Variants in KCTD1 observed in about 807,000 individuals in gnomAD.
KCTD1 encodes BTB/POZ domain-containing protein KCTD1.
Under a neutral mutation model 66.0 loss-of-function variants are expected in KCTD1, and 24 were observed. That is an observed-to-expected ratio of 0.36 (90% CI 0.26 to 0.51). KCTD1 has a LOEUF of 0.51. Ranked by LOEUF, KCTD1 falls within the 20% of genes least tolerant of loss-of-function variation. KCTD1 has a pLI of 0.95. For synonymous variants in KCTD1, 511 were observed against 517.2 expected (o/e 0.99, Z 0.16); for missense variants, 943 against 1,205.2 (o/e 0.78, Z 3.22).
chr18:26,462,618 C>A (rs1980494353), intron 3 of KCTD1, among the ~76,000 whole-genome samples: 1 of 152,216 alleles, frequency 6.6e-6, no homozygotes. Flanking sequence ...CGGTGAAGTG[C>A]ACATTGGCCA....
intron 2 of KCTD1, among the ~76,000 whole-genome samples, chr18:26,479,859 C>T (rs911483554): frequency 2.0e-5 from 3 of 152,184 alleles, no homozygotes; most frequent in Non-Finnish European, 4.4e-5. Context: ...GGAAAATCGG[C>T]ACAGGCTGTA....
chr18:26,588,881 A>G (rs559267468), intron 1 of KCTD1, among the ~76,000 whole-genome samples: 1 of 109,638 alleles, frequency 9.1e-6, no homozygotes, highest in Non-Finnish European at 2.0e-5. Context: ...GCCCTAATAT[A>G]TACAGTATAG....
intron 1 of KCTD1, among the ~76,000 whole-genome samples, chr18:26,594,449 TTAAG>T (rs1278536432): frequency 6.6e-6 from 1 of 152,206 alleles, no homozygotes. Context: ...ATTTAACAAA[TTAAG>T]TCTTTTAAAG....
intron 1 of KCTD1, among the ~76,000 whole-genome samples, chr18:26,563,271 T>C (rs1985904024): frequency 6.6e-6 from 1 of 152,216 alleles, no homozygotes; most frequent in Admixed American, 6.5e-5. Flanking sequence ...CTCTGATCCC[T>C]GGTCCTTTGT....
chr18:26,610,810 A>G (rs1325023297), intron 1 of KCTD1, among the ~76,000 whole-genome samples: 1 of 152,246 alleles, frequency 6.6e-6, no homozygotes. Context: ...GGACTCTGAC[A>G]AGATATCACT....
At chr18:26,554,888 G>T (rs906809840) in intron 1 of KCTD1, among the ~76,000 whole-genome samples, 3 of 152,112 alleles carry the variant, frequency 2.0e-5, no homozygotes, top group Admixed American at 6.5e-5. Context: ...AACTTCACTT[G>T]GTTAATAAAG....
At chr18:26,456,095 A>C in intron 4 of KCTD1, 194 bp from the exon 5 acceptor site, 1 of 559,064 alleles carries the variant, frequency 1.8e-6, no homozygotes, top group Non-Finnish European at 3.1e-6. Context: ...TAATGCCTAA[A>C]ATGTGCCTTT....
At chr18:26,499,009 G>A (rs1006142187) in intron 2 of KCTD1, among the ~76,000 whole-genome samples, 5 of 152,190 alleles carry the variant, frequency 3.3e-5, no homozygotes, top group African/African-American at 1.2e-4. Flanking sequence ...ATCCTGGCGG[G>A]AATGAGTCAG....
At chr18:26,649,666 G>A (rs1237688847) in intron 1 of KCTD1, among the ~76,000 whole-genome samples, 2 of 152,046 alleles carry the variant, frequency 1.3e-5, no homozygotes, top group African/African-American at 2.4e-5. Context: ...GCGCCACCAC[G>A]CCCGGCTAAT....
At chr18:26,591,970 T>A (rs747760453) in intron 1 of KCTD1, among the ~76,000 whole-genome samples, 1 of 152,298 alleles carries the variant, frequency 6.6e-6, no homozygotes, top group East Asian at 1.9e-4. Flanking sequence ...CATGATACAA[T>A]ACTATTTTTA....
chr18:26,544,483 GAAT>G (rs1985119837), intron 1 of KCTD1: 1 of 152,198 alleles, frequency 6.6e-6, no homozygotes, highest in African/African-American at 2.4e-5. Context: ...GTCAACAGTG[GAAT>G]TCCGTATGAC....
At chr18:26,602,116 G>A (rs1986912855) in intron 1 of KCTD1, among the ~76,000 whole-genome samples, 1 of 152,172 alleles carries the variant, frequency 6.6e-6, no homozygotes, top group Non-Finnish European at 1.5e-5. Flanking sequence ...TATGATGTTA[G>A]TTGTGGGGTT....
chr18:26,502,768 CA>C (rs1246180417), intron 1 of KCTD1, among the ~76,000 whole-genome samples: 4 of 152,156 alleles, frequency 2.6e-5, no homozygotes, highest in African/African-American at 7.2e-5. Context: ...TGTTTTCAAA[CA>C]TGCAAACAAT....
intron 1 of KCTD1, among the ~76,000 whole-genome samples, chr18:26,613,488 T>C (rs1987181954): frequency 6.6e-6 from 1 of 152,214 alleles, no homozygotes; most frequent in Non-Finnish European, 1.5e-5. Context: ...CATGATTTGG[T>C]ACCCAGGCTT....
At chr18:26,582,452 T>C (rs191456104) in intron 1 of KCTD1, among the ~76,000 whole-genome samples, 2 of 152,340 alleles carry the variant, frequency 1.3e-5, no homozygotes, top group Non-Finnish European at 2.9e-5. Flanking sequence ...AGTGGAATTG[T>C]AAATTAGCAG....
chr18:26,549,389 AC>A (rs1452846292), upstream of KCTD1: 3 of 985,398 alleles, frequency 3.0e-6, no homozygotes, highest in Non-Finnish European at 3.6e-6. Flanking sequence ...GTCATTAAAG[AC>A]CTGGGGCGCT....
chr18:26,548,902 G>A, upstream of KCTD1: 1 of 991,970 alleles, frequency 1.0e-6, no homozygotes, highest in Non-Finnish European at 1.2e-6. Flanking sequence ...CTCTGGCGGA[G>A]AATTGCGCGG....
In KCTD1 at chr18:26,527,501, G is replaced by C. The variant is rs146298409; in HGVS notation, c.1809+19227C>G. Among the ~76,000 whole-genome samples the C allele has an allele frequency of 2.0e-4, 30 of 146,896 alleles. 1 individual carries two copies. The highest frequency in any genetic ancestry group is 4.2e-4 in the African/African-American group (17 of 40,464). ...CTACTGCAAAAAAAAAAGGGGGGGG[G>C]GCGTGGGAGGGATGACGAGGTGGAA... On this transcript the variant is annotated intron_variant, in intron 1 of 4. Transcript: ENST00000580059.
Position 26,455,781 on chromosome 18 carries a change from G to A in KCTD1, c.2560C>T (p.Pro854Ser), listed in dbSNP as rs1377771877. The change falls in exon 5 of 5, where the codon CCC becomes TCC. Residue 854 changes from proline (P) to serine (S), a missense_variant. Physicochemically the swap from Pro to Ser is moderately conservative, Grantham distance 74. Coordinates refer to ENST00000580059, the MANE Select transcript of KCTD1 (RefSeq NM_001142730.3). ...RRELRRTPRVPSVIRIKQEPL... is the reference protein window; with the variant it reads ...RRELRRTPRVSSVIRIKQEPL... ...TCTTGCTTTATCCGGATGACGGAGGGTACACGGGGCGTCCGCCTCAGTTCC... is the reference window on the plus strand; with the variant it reads ...TCTTGCTTTATCCGGATGACGGAGGATACACGGGGCGTCCGCCTCAGTTCC... 2.5e-6 allele frequency: 4 copies of A among 1,614,064 alleles called. No individual in the cohort carries two copies. In the Admixed American group the frequency reaches 5.0e-5, roughly 20 times the overall value.
Sources: gnomAD v4.1 joint callset for allele counts (sites outside exome capture counted in the v4.1 genomes callset) on GRCh38, gnomAD v4.1.1 for gene constraint, MANE v1.5 for transcripts, NCBI Gene and HGNC (gene_info 2026-07-23, HGNC 2026-07-21) for gene names.